Variants in ABCC4 observed in about 807,000 individuals in gnomAD.
ABCC4 encodes the protein ATP-binding cassette sub-family C member 4.
In ABCC4, 102 loss-of-function variants were observed where a neutral mutation model predicts 168.5. That is an observed-to-expected ratio of 0.61 (90% confidence interval 0.52 to 0.71). The LOEUF (loss-of-function observed/expected upper bound fraction) is 0.71, where lower values mean the gene tolerates loss of function less well. Ranked by LOEUF, ABCC4 falls within the 30% of genes least tolerant of loss-of-function variation. The pLI, the probability that ABCC4 is intolerant of heterozygous loss-of-function variation, is 0.00. For synonymous variants in ABCC4, 617 were observed against 590.7 expected (o/e 1.04, Z -0.65); for missense variants, 1,402 against 1,605.8 (o/e 0.87, Z 2.17).
At chr13:95,225,180 C>A (rs1293248000) in intron 4 of ABCC4, among the ~76,000 whole-genome samples, 1 of 148,264 alleles carries the variant, frequency 6.7e-6, no homozygotes, top group African/African-American at 2.4e-5. Context: ...CACACACACA[C>A]ACACACACAC....
chr13:95,270,359 A>G (rs1012349458), intron 1 of ABCC4, among the ~76,000 whole-genome samples: 1 of 120,052 alleles, frequency 8.3e-6, no homozygotes, highest in Non-Finnish European at 1.7e-5. Flanking sequence ...AAAAAAAAAG[A>G]AAGAAAAGAA....
intron 4 of ABCC4, among the ~76,000 whole-genome samples, chr13:95,228,900 GA>G (rs199640371): frequency 6.7e-6 from 1 of 149,774 alleles, no homozygotes; most frequent in African/African-American, 2.5e-5. Flanking sequence ...TCTCTTTAAA[GA>G]AAAAAAAAGG....
intron 27 of ABCC4, among the ~76,000 whole-genome samples, chr13:95,049,533 C>T (rs758848318): frequency 6.7e-6 from 1 of 150,288 alleles, no homozygotes; most frequent in East Asian, 2.0e-4. Context: ...CACAGCTACT[C>T]GGGAGGCTGA....
chr13:95,062,003 T>C (rs2033316834), intron 26 of ABCC4, among the ~76,000 whole-genome samples: 1 of 151,928 alleles, frequency 6.6e-6, no homozygotes, highest in African/African-American at 2.4e-5. Flanking sequence ...GAAAAGAAAA[T>C]AGAATCAGAG....
chr13:95,109,079 G>A (rs1287660114), intron 20 of ABCC4, among the ~76,000 whole-genome samples: 1 of 152,146 alleles, frequency 6.6e-6, no homozygotes, highest in Non-Finnish European at 1.5e-5. Flanking sequence ...ATTCCTAGAA[G>A]CTGATACCCA....
At chr13:95,157,258 T>C (rs1291238548) in intron 19 of ABCC4, among the ~76,000 whole-genome samples, 1 of 151,868 alleles carries the variant, frequency 6.6e-6, no homozygotes, top group Non-Finnish European at 1.5e-5. Context: ...ACATTGCTCG[T>C]CAGTACTTGG....
At chr13:95,109,308 C>T (rs898502197) in intron 20 of ABCC4, among the ~76,000 whole-genome samples, 3 of 151,988 alleles carry the variant, frequency 2.0e-5, no homozygotes, top group Non-Finnish European at 2.9e-5. Flanking sequence ...AAAAGCATCA[C>T]TAATGCGAAA....
intron 3 of ABCC4, among the ~76,000 whole-genome samples, chr13:95,239,763 T>A (rs12865305): frequency 0.02 from 2,839 of 144,966 alleles, 73 homozygotes; most frequent in East Asian, 0.099. Flanking sequence ...AAATCGGTTT[T>A]AAAAAAAAAT....
At chr13:95,132,125 G>T (rs912348816) in intron 19 of ABCC4, among the ~76,000 whole-genome samples, 4 of 152,140 alleles carry the variant, frequency 2.6e-5, no homozygotes, top group Admixed American at 1.3e-4. Context: ...GTGTGGGATT[G>T]GTTCCAGGAC....
At chr13:95,070,778 C>G (rs1006779349) in intron 25 of ABCC4, among the ~76,000 whole-genome samples, 5 of 152,088 alleles carry the variant, frequency 3.3e-5, no homozygotes, top group Non-Finnish European at 7.3e-5. Flanking sequence ...AGGCAAGGAG[C>G]TGGCCACGTA....
intron 4 of ABCC4, among the ~76,000 whole-genome samples, chr13:95,215,843 T>TCC (rs2039095122): frequency 6.6e-6 from 1 of 152,224 alleles, no homozygotes; most frequent in Non-Finnish European, 1.5e-5. Flanking sequence ...AACTTTTGGC[T>TCC]TTAAGGACTT....
intron 30 of ABCC4, among the ~76,000 whole-genome samples, chr13:95,023,147 T>A (rs531560441): frequency 6.6e-6 from 1 of 152,314 alleles, no homozygotes; most frequent in Non-Finnish European, 1.5e-5. Flanking sequence ...GACATTCACA[T>A]CACTTTCTAC....
intron 1 of ABCC4, among the ~76,000 whole-genome samples, chr13:95,287,852 C>G (rs907639444): frequency 2.0e-5 from 3 of 151,836 alleles, no homozygotes; most frequent in African/African-American, 7.3e-5. Flanking sequence ...ACCATCCTGG[C>G]TAACACAGTG....
rs141925150 is a variant in ABCC4 at position 95,270,633 on chromosome 13, G to A, written c.75-22880C>T. Among the ~76,000 whole-genome samples the A allele has an allele frequency of 3.7e-3, 562 of 152,310 alleles. 4 individuals are homozygous for A. The highest frequency in any genetic ancestry group is 0.014 in the Middle Eastern group (4 of 294). On this transcript the variant is annotated intron_variant, in intron 1 of 30. Transcript: ENST00000645237. ...AGGGGGCTGGCCAGGGCCCACGCATGAGATCTAGTAGAGATTCTGATACTA... is the reference window on the plus strand; with the variant it reads ...AGGGGGCTGGCCAGGGCCCACGCATAAGATCTAGTAGAGATTCTGATACTA...
At chr13:95,054,650 G>T (rs1434227014) in intron 26 of ABCC4, among the ~76,000 whole-genome samples, 1 of 152,152 alleles carries the variant, frequency 6.6e-6, no homozygotes, top group Non-Finnish European at 1.5e-5. Context: ...TGCTTTCAAG[G>T]ATAGGGGCAG....
intron 20 of ABCC4, among the ~76,000 whole-genome samples, chr13:95,107,109 T>A (rs11616490): frequency 6.6e-6 from 1 of 151,940 alleles, no homozygotes; most frequent in East Asian, 1.9e-4. Context: ...ATAAAAAAAT[T>A]AGCCAGGCAT....
intron 14 of ABCC4, among the ~76,000 whole-genome samples, chr13:95,167,829 G>C (rs2037334451): frequency 2.0e-5 from 3 of 152,164 alleles, no homozygotes; most frequent in African/African-American, 7.2e-5. Context: ...CAAGAAGCAA[G>C]AATGGACACA....
intron 20 of ABCC4, among the ~76,000 whole-genome samples, chr13:95,106,635 C>T (rs2035015986): frequency 6.6e-6 from 1 of 151,964 alleles, no homozygotes; most frequent in South Asian, 2.1e-4. Flanking sequence ...CTACATTTTA[C>T]ATGTGAAAAG....
In ABCC4 at chr13:95,258,928, C is replaced by G. The variant is rs1434744616; in HGVS notation, c.75-11175G>C. ...GGTTAGTTTTCCTTGAAGAGTCTGC[C>G]AGCCCTGCCTGCGGGAGGCTGCTGG... On this transcript the variant is annotated intron_variant, in intron 1 of 30. Coordinates refer to ENST00000645237, the MANE Select transcript of ABCC4 (RefSeq NM_005845.5). 4.1e-4 allele frequency among the ~76,000 whole-genome samples: 62 copies of G among 152,278 alleles called. 1 individual carries two copies. The Middle Eastern group carries it at 0.01, about 25-fold the overall frequency.
Sources: allele counts gnomAD v4.1 joint callset (sites outside exome capture counted in the v4.1 genomes callset), GRCh38; gene constraint gnomAD v4.1.1; transcripts MANE v1.5; gene names NCBI Gene and HGNC (gene_info 2026-07-23, HGNC 2026-07-21).